Variants in SEMA6D observed in about 807,000 individuals in gnomAD.
SEMA6D encodes semaphorin 6D, also known as semaphorin-6D.
SEMA6D carries 35 observed loss-of-function variants against 106.6 expected under a neutral mutation model. The observed-to-expected ratio is 0.33, with a 90% confidence interval of 0.25 to 0.44. The LOEUF (loss-of-function observed/expected upper bound fraction) is 0.44. SEMA6D is among the 20% of genes least tolerant of loss of function. SEMA6D has a pLI of 1.00. For synonymous variants in SEMA6D, 499 were observed against 487.7 expected (o/e 1.02, Z -0.31); for missense variants, 1,185 against 1,345.9 (o/e 0.88, Z 1.87).
intron 4 of SEMA6D, among the ~76,000 whole-genome samples, chr15:47,678,452 T>C (rs1302368943): frequency 1.3e-5 from 2 of 152,206 alleles, no homozygotes; most frequent in Non-Finnish European, 2.9e-5. Context: ...ATATATTATA[T>C]ATCAGAAAAT....
chr15:47,745,180 T>G (rs1303831312), intron 1 of SEMA6D, among the ~76,000 whole-genome samples: 2 of 152,262 alleles, frequency 1.3e-5, no homozygotes, highest in Admixed American at 6.5e-5. Flanking sequence ...TCCTCACAGT[T>G]GTACCTTTAG....
chr15:47,448,639 A>G (rs933688705), intron 2 of SEMA6D, among the ~76,000 whole-genome samples: 1 of 152,268 alleles, frequency 6.6e-6, no homozygotes, highest in Non-Finnish European at 1.5e-5. Flanking sequence ...ATGGCGACTC[A>G]GTCTACTTAG....
At chr15:47,268,759 A>G (rs2034433440) in intron 1 of SEMA6D, among the ~76,000 whole-genome samples, 1 of 152,032 alleles carries the variant, frequency 6.6e-6, no homozygotes, top group African/African-American at 2.4e-5. Flanking sequence ...TCTTTTCTTA[A>G]TACTAATTTT....
chr15:47,733,236 A>C (rs184424594), intron 1 of SEMA6D, among the ~76,000 whole-genome samples: 114 of 152,220 alleles, frequency 7.5e-4, no homozygotes, highest in African/African-American at 2.6e-3. Flanking sequence ...AAACTACCTA[A>C]GTGGAACTCT....
At chr15:47,406,778 CAAAA>C (rs36102863) in intron 1 of SEMA6D, among the ~76,000 whole-genome samples, 1 of 111,782 alleles carries the variant, frequency 8.9e-6, no homozygotes. Flanking sequence ...TTCTCACCAC[CAAAA>C]AAAAAAAAAA....
At position 47,500,453 on chromosome 15, in the gene SEMA6D, T is replaced by C. The variant is rs370571935; in HGVS notation, c.-87+29908T>C. ...GTATAATCAATGCATATGAATTTAT[T>C]CCATACTTTTATCAAATGATAAGAT... On this transcript the variant is annotated intron_variant, in intron 3 of 19. Coordinates refer to the SEMA6D transcript ENST00000558014. 4.6e-5 allele frequency among the ~76,000 whole-genome samples: 7 copies of C among 152,248 alleles called. No homozygotes were observed. The South Asian group carries it at 6.2e-4, about 14-fold the overall frequency.
At chr15:47,764,342 A>G in intron 11 of SEMA6D, 37 bp downstream of exon 11, 2 of 1,596,406 alleles carry the variant, frequency 1.3e-6, no homozygotes, top group Non-Finnish European at 1.7e-6. Flanking sequence ...TGTCTTGAAC[A>G]AAACCTTCCG....
rs139205179 is a variant in SEMA6D at position 47,286,183 on chromosome 15, A to T, written c.-239+101765A>T. 6.2e-3 allele frequency among the ~76,000 whole-genome samples: 939 copies of T among 152,210 alleles called. 17 individuals carry two copies. The highest frequency in any genetic ancestry group is 0.021 in the African/African-American group (893 of 41,538). On this transcript the variant is annotated intron_variant, in intron 1 of 19. Transcript: ENST00000558014. ...CTTGTCTGACCTACAGAGAAATGGGAACCTAAACTCTGAGTAGATTCTTCC... is the reference window on the plus strand; with the variant it reads ...CTTGTCTGACCTACAGAGAAATGGGTACCTAAACTCTGAGTAGATTCTTCC...
rs1186210218 is a variant in SEMA6D, at chr15:47,569,721, TA to T, written c.-86-31143del. Among the ~76,000 whole-genome samples the T allele has an allele frequency of 2.0e-5, 3 of 152,308 alleles. No homozygotes were observed. The East Asian group carries it at 5.8e-4, about 29-fold the overall frequency. On this transcript the variant is annotated intron_variant, in intron 3 of 19. Transcript: ENST00000558014. ...GGAGGGAAATGCAGTGAGGGAAATA[TA>T]CATAAATTAATAATTTAGTAAATTA... is the stretch of plus-strand genomic sequence containing the variant.
At chr15:47,185,437 C>G (rs1189070836) in intron 1 of SEMA6D, among the ~76,000 whole-genome samples, 2 of 152,102 alleles carry the variant, frequency 1.3e-5, no homozygotes, top group Admixed American at 6.5e-5. Flanking sequence ...GACAGCTGGC[C>G]GCTTTCTCTT....
At chr15:47,444,237 C>T (rs1171757448) in intron 2 of SEMA6D, among the ~76,000 whole-genome samples, 1 of 152,142 alleles carries the variant, frequency 6.6e-6, no homozygotes, top group Non-Finnish European at 1.5e-5. Context: ...CAGTTACTAA[C>T]AATACAGAGG....
At chr15:47,515,741 T>C (rs1376733928) in intron 3 of SEMA6D, among the ~76,000 whole-genome samples, 1 of 152,212 alleles carries the variant, frequency 6.6e-6, no homozygotes, top group Non-Finnish European at 1.5e-5. Context: ...TAAAATATGA[T>C]CTGGCATTTG....
intron 1 of SEMA6D, among the ~76,000 whole-genome samples, chr15:47,318,379 C>T (rs1431063828): frequency 7.5e-5 from 10 of 132,952 alleles, no homozygotes; most frequent in African/African-American, 2.7e-4. Context: ...AACTCGTCAT[C>T]TAGCATTAGG....
intron 3 of SEMA6D, among the ~76,000 whole-genome samples, chr15:47,550,904 G>T (rs913793393): frequency 2.6e-5 from 4 of 152,156 alleles, no homozygotes; most frequent in Non-Finnish European, 5.9e-5. Context: ...GGGAGAAAAT[G>T]TAAAAGTAAA....
At chr15:47,489,255 T>G (rs1403207530) in intron 3 of SEMA6D, among the ~76,000 whole-genome samples, 1 of 152,014 alleles carries the variant, frequency 6.6e-6, no homozygotes, top group African/African-American at 2.4e-5. Context: ...CTCTCTGGAG[T>G]CTTTGGAGGG....
At chr15:47,286,220 A>T (rs2035354437) in intron 1 of SEMA6D, among the ~76,000 whole-genome samples, 1 of 152,162 alleles carries the variant, frequency 6.6e-6, no homozygotes, top group Non-Finnish European at 1.5e-5. Flanking sequence ...GTCTACAGAG[A>T]TTCTGAAGCC....
chr15:47,748,842 A>C (rs912685258), intron 1 of SEMA6D, among the ~76,000 whole-genome samples: 2 of 152,172 alleles, frequency 1.3e-5, no homozygotes, highest in Admixed American at 1.3e-4. Flanking sequence ...TTTTAGAAAG[A>C]TCATTCTGGT....
intron 1 of SEMA6D, among the ~76,000 whole-genome samples, chr15:47,261,003 A>G (rs2034048874): frequency 1.3e-5 from 2 of 152,250 alleles, no homozygotes; most frequent in South Asian, 2.1e-4. Flanking sequence ...CTGCTGTCCC[A>G]AACAATTTAC....
chr15:47,756,247 T>A (rs752218673), intron 1 of SEMA6D, among the ~76,000 whole-genome samples: 1 of 152,184 alleles, frequency 6.6e-6, no homozygotes, highest in Non-Finnish European at 1.5e-5. Context: ...AGGTGTGCCT[T>A]ATCCTCTAAG....
Sources: allele counts gnomAD v4.1 joint callset (sites outside exome capture counted in the v4.1 genomes callset), GRCh38; gene constraint gnomAD v4.1.1; transcripts MANE v1.5; gene names NCBI Gene and HGNC (gene_info 2026-07-23, HGNC 2026-07-21).